TPMT: variants seen among roughly 807,000 people sequenced by gnomAD.
TPMT encodes the protein thiopurine S-methyltransferase.
TPMT carries 18 observed loss-of-function variants against 34.2 expected under a neutral mutation model. That is an observed-to-expected ratio of 0.53 (90% CI 0.36 to 0.78). TPMT has a LOEUF of 0.78. TPMT is among the 30% of genes least tolerant of loss of function. TPMT has a pLI of 0.00. For synonymous variants in TPMT, 69 were observed against 92.4 expected, an observed-to-expected ratio of 0.75 and a Z score of 1.45; for missense variants, 265 against 288.1, an observed-to-expected ratio of 0.92 and a Z score of 0.58.
Position 18,136,029 on chromosome 6 carries a change from TC to T in TPMT, c.495-2141del, listed in dbSNP as rs962649558. On this transcript the variant is annotated intron_variant, in intron 6 of 8. Coordinates refer to ENST00000309983, the MANE Select transcript of TPMT (RefSeq NM_000367.5). This position sits in a 1 kb window ranked among gnomAD's most constrained non-coding sequence, Gnocchi z 4.7. Reference sequence around the variant, plus strand: ...TCAGACACTGGGGAAATAACTGACCTCAGGTGATCTGCCCACCTCAGCCTCC... The same window carrying T: ...TCAGACACTGGGGAAATAACTGACCTAGGTGATCTGCCCACCTCAGCCTCC... Among the ~76,000 whole-genome samples, 3 of 152,080 alleles carry T rather than the reference TC, an allele frequency of 2.0e-5. No homozygotes were observed. The highest frequency in any genetic ancestry group is 4.4e-5 in the Non-Finnish European group (3 of 68,002).
In TPMT at chr6:18,139,672, G is replaced by A. The variant is rs372997906; in HGVS notation, c.412C>T (p.Leu138Phe). The change falls in exon 5 of 9, where the codon CTT (leucine) becomes TTT (phenylalanine). Residue 138 changes from leucine (L) to phenylalanine (F), a missense_variant. Leu to Phe is a conservative substitution (Grantham distance 22). Coordinates refer to ENST00000309983, the MANE Select transcript of TPMT (RefSeq NM_000367.5). This position sits in a 1 kb window ranked among gnomAD's most constrained non-coding sequence, Gnocchi z 4.2. ...ATGTAGTATTCAACCTACCTGGGAA[G>A]ATCAAAAATACTGCAACAGTACAAT... Reference protein sequence around the residue: ...ISLYCCSIFDLPRTNIGKFDM... With the variant: ...ISLYCCSIFDFPRTNIGKFDM... 198 of 1,613,054 alleles carry A rather than the reference G, an allele frequency of 1.2e-4. No individual in the cohort carries two copies. The highest frequency in any genetic ancestry group is 1.6e-4 in the Non-Finnish European group (192 of 1,179,546).
At chr6:18,152,207 G>C (rs544557741) in intron 1 of TPMT, among the ~76,000 whole-genome samples, 2 of 152,278 alleles carry the variant, frequency 1.3e-5, no homozygotes, top group Non-Finnish European at 2.9e-5. Flanking sequence ...AAACTGGGCT[G>C]CTCAATGGCT....
At chr6:18,133,944 G>T in intron 6 of TPMT, 55 bp from the exon 7 acceptor site, 1 of 1,475,590 alleles carries the variant, frequency 6.8e-7, no homozygotes, top group South Asian at 1.2e-5. Flanking sequence ...GCAAAGGCTG[G>T]AGGGACAAAA....
In TPMT at chr6:18,130,929, A is replaced by G. The variant is rs1361188143; in HGVS notation, c.626-149T>C. The G allele has an allele frequency of 1.1e-5, 7 of 620,504 alleles. No individual in the cohort carries two copies. Among genetic ancestry groups the G allele is most frequent in the Non-Finnish European group, 1.8e-5 (6 of 336,548 alleles). The allele number at this position is 620,504 out of a possible 1,614,324, so 38.4% of individuals were successfully genotyped here. A position where few individuals can be genotyped will look rare whatever the true frequency, so the allele number is the denominator to read the frequency against. On this transcript the variant is annotated intron_variant, in intron 8 of 8. Coordinates refer to ENST00000309983, the MANE Select transcript of TPMT (RefSeq NM_000367.5). This position sits in a 1 kb window ranked among gnomAD's most constrained non-coding sequence, Gnocchi z 4.2. ...CGAGGCAGGTGGATCACTTGAGGTC[A>G]GGAGTTCATGACCAGCCTGGCCAAG...
chr6:18,130,669 T>C lies in TPMT; in HGVS notation c.737A>G (p.Ter246=). Reference sequence around the variant, plus strand: ...GATTTTATTTTATCTATGTCTCATTTACTTTTCTGTAAGTAGATATAACTT... The same window carrying C: ...GATTTTATTTTATCTATGTCTCATTCACTTTTCTGTAAGTAGATATAACTT... ...FEKLYLLTEK[*] is the part of the protein sequence containing the mutation. Residue 246 remains the stop codon, a stop_retained_variant, in exon 9 of 9, where the codon TAA becomes TGA. Transcript: ENST00000309983. The surrounding 1 kb of genome is among the most constrained non-coding windows in gnomAD (Gnocchi z 4.2). The C allele has an allele frequency of 6.3e-7, 1 of 1,578,938 alleles. No individual in the cohort carries two copies. The highest frequency in any genetic ancestry group is 1.1e-5 in the South Asian group (1 of 90,262).
Position 18,143,807 on chromosome 6 carries a change from T to C in TPMT, c.234-79A>G. The C allele has an allele frequency of 6.5e-7, 1 of 1,540,120 alleles. No homozygotes were observed. Among genetic ancestry groups the C allele is most frequent in the Non-Finnish European group, 8.8e-7 (1 of 1,132,906 alleles). ...AGGGTTATATTAGAGTAAGCATATA[T>C]TTTCTTTAATTTAGAGGAATTTATA... is the stretch of plus-strand genomic sequence containing the variant. On this transcript the variant is annotated intron_variant, in intron 3 of 8. Coordinates refer to ENST00000309983, the MANE Select transcript of TPMT (RefSeq NM_000367.5). This position sits in a 1 kb window ranked among gnomAD's most constrained non-coding sequence, Gnocchi z 6.1.
At position 18,138,909 on chromosome 6, in the gene TPMT, G is replaced by A; in HGVS notation, c.494+54C>T. 6.9e-7 allele frequency: 1 copy of A among 1,439,934 alleles called. No individual in the cohort carries two copies. Among genetic ancestry groups the A allele is most frequent in the Non-Finnish European group, 9.7e-7 (1 of 1,026,268 alleles). The allele number at this position is 1,439,934 out of a possible 1,614,324, so 89.2% of individuals were successfully genotyped here. On this transcript the variant is annotated intron_variant, in intron 6 of 8. Transcript: ENST00000309983. This position sits in a 1 kb window ranked among gnomAD's most constrained non-coding sequence, Gnocchi z 4.1. Reference sequence around the variant, plus strand: ...GCTGATTTTCTAGAACCCAGAAAAAGTATAGTATACTAAAAAATTAAGACA... The same window carrying A: ...GCTGATTTTCTAGAACCCAGAAAAAATATAGTATACTAAAAAATTAAGACA...
rs1784032207 is a variant in TPMT at position 18,135,765 on chromosome 6, A to C, written c.495-1876T>G. On this transcript the variant is annotated intron_variant, in intron 6 of 8. Coordinates refer to ENST00000309983, the MANE Select transcript of TPMT (RefSeq NM_000367.5). This position sits in a 1 kb window ranked among gnomAD's most constrained non-coding sequence, Gnocchi z 5.0. The stretch of plus-strand genomic sequence containing the variant: ...GCTACTGTAATCCCAGCTACTCTGG[A>C]GGCTGAGGCAGGAGAATCACTTGAA... Among the ~76,000 whole-genome samples the C allele has an allele frequency of 6.6e-6, 1 of 152,006 alleles. No homozygotes were observed. The highest frequency in any genetic ancestry group is 6.6e-5 in the Admixed American group (1 of 15,250).
rs914883703 is a variant in TPMT, at chr6:18,154,535, G to T, written c.-45+498C>A. On this transcript the variant is annotated intron_variant, in intron 1 of 8. Transcript: ENST00000309983. This position sits in a 1 kb window ranked among gnomAD's most constrained non-coding sequence, Gnocchi z 4.2. ...CATCACCAGGGATCACTCACTATTT[G>T]GCAGTACTTATTTTTTCCCAAAAAT... Among the ~76,000 whole-genome samples, 1 of 151,936 alleles carries T rather than the reference G, an allele frequency of 6.6e-6. No individual in the cohort carries two copies. The highest frequency in any genetic ancestry group is 1.5e-5 in the Non-Finnish European group (1 of 68,006).
chr6:18,132,105 A>G lies in TPMT; in HGVS notation c.625+28T>C. The G allele has an allele frequency of 6.2e-7, 1 of 1,613,528 alleles. No homozygotes were observed. The highest frequency in any genetic ancestry group is 8.5e-7 in the Non-Finnish European group (1 of 1,179,522). On this transcript the variant is annotated intron_variant, in intron 8 of 8. Coordinates refer to ENST00000309983, the MANE Select transcript of TPMT (RefSeq NM_000367.5). The surrounding 1 kb of genome is among the most constrained non-coding windows in gnomAD (Gnocchi z 4.8). ...AAGAGTTAACTTGACTTTGTTTAAA[A>G]AGTTACAGCATAAGTCCACAAACTT... is the stretch of plus-strand genomic sequence containing the variant.
intron 4 of TPMT, among the ~76,000 whole-genome samples, chr6:18,142,282 G>A (rs938546406): frequency 6.6e-6 from 1 of 151,612 alleles, no homozygotes; most frequent in East Asian, 1.9e-4. Context: ...GGCACAAGAC[G>A]ACGAACCTGG....
At chr6:18,134,894 C>A (rs528666083) in intron 6 of TPMT, among the ~76,000 whole-genome samples, 5 of 152,156 alleles carry the variant, frequency 3.3e-5, no homozygotes, top group Non-Finnish European at 7.3e-5. Context: ...CAAAGATGGA[C>A]ACCCTTCCCC....
intron 6 of TPMT, among the ~76,000 whole-genome samples, chr6:18,137,570 T>G (rs1784065382): frequency 6.6e-6 from 1 of 152,240 alleles, no homozygotes; most frequent in South Asian, 2.1e-4. Context: ...TTACTCAGTA[T>G]GCTTCCTCAC....
chr6:18,149,858 T>C lies in TPMT; in HGVS notation c.-44-687A>G, dbSNP rs1365795981. ...CCTTAATACACATTACAAGAGATCA[T>C]TAAATAAACTGAATTCTATCTTAAT... On this transcript the variant is annotated intron_variant, in intron 1 of 8. Transcript: ENST00000309983. The surrounding 1 kb of genome is among the most constrained non-coding windows in gnomAD (Gnocchi z 5.0). 6.6e-6 allele frequency among the ~76,000 whole-genome samples: 1 copy of C among 152,180 alleles called. No homozygotes were observed. Among genetic ancestry groups the C allele is most frequent in the Non-Finnish European group, 1.5e-5 (1 of 68,044 alleles).
In TPMT at chr6:18,150,107, C is replaced by A. The variant is rs1390115676; in HGVS notation, c.-44-936G>T. Among the ~76,000 whole-genome samples the A allele has an allele frequency of 3.3e-5, 5 of 152,204 alleles. No homozygotes were observed. Among genetic ancestry groups the A allele is most frequent in the Non-Finnish European group, 5.9e-5 (4 of 68,048 alleles). On this transcript the variant is annotated intron_variant, in intron 1 of 8. Coordinates refer to ENST00000309983, the MANE Select transcript of TPMT (RefSeq NM_000367.5). The surrounding 1 kb of genome is among the most constrained non-coding windows in gnomAD (Gnocchi z 5.3). ...TTAGACACCAGTTGCAAGTCCAGGCCTCCACTGGCTTCAAGTTGGGGTTCC... is the reference window on the plus strand; with the variant it reads ...TTAGACACCAGTTGCAAGTCCAGGCATCCACTGGCTTCAAGTTGGGGTTCC...
rs1397979403 is a variant in TPMT at position 18,143,653 on chromosome 6, C to T, written c.309G>A (p.Gln103=). Residue 103 remains glutamine, a synonymous_variant, in exon 4 of 9, where the codon CAG becomes CAA. Transcript: ENST00000309983. This position sits in a 1 kb window ranked among gnomAD's most constrained non-coding sequence, Gnocchi z 6.1. The part of the protein sequence containing the change: ...ELGIQEFFTE[Q]NLSYSEEPIT... Reference sequence around the variant, plus strand: ...TTGGTTCTTCTGAGTAAGAAAGATTCTGCTCTGTAAAAAATTCTTGTATCC... The same window carrying T: ...TTGGTTCTTCTGAGTAAGAAAGATTTTGCTCTGTAAAAAATTCTTGTATCC... 6.2e-7 allele frequency: 1 copy of T among 1,613,780 alleles called. No homozygotes were observed. Among genetic ancestry groups the T allele is most frequent in the Non-Finnish European group, 8.5e-7 (1 of 1,179,996 alleles).
chr6:18,134,078 C>G (rs1783997248), intron 6 of TPMT, among the ~76,000 whole-genome samples, 189 bp from the exon 7 acceptor site: 1 of 152,226 alleles, frequency 6.6e-6, no homozygotes, highest in Admixed American at 6.5e-5. Flanking sequence ...ATGGCCCCTG[C>G]CTAAGCTGGG....
Position 18,146,865 on chromosome 6 carries a change from C to CA in TPMT, c.233+957dup, listed in dbSNP as rs1361318652. Among the ~76,000 whole-genome samples, 1 of 152,088 alleles carries CA rather than the reference C, an allele frequency of 6.6e-6. No homozygotes were observed. Among genetic ancestry groups the CA allele is most frequent in the African/African-American group, 2.4e-5 (1 of 41,422 alleles). ...TCATCTCTACTTGAAAATCAACTCC[C>CA]AAAAAATGCATGCATACTCTGCGTT... On this transcript the variant is annotated intron_variant, in intron 3 of 8. Coordinates refer to ENST00000309983, the MANE Select transcript of TPMT (RefSeq NM_000367.5). This position sits in a 1 kb window ranked among gnomAD's most constrained non-coding sequence, Gnocchi z 6.2.
intron 1 of TPMT, among the ~76,000 whole-genome samples, chr6:18,152,341 T>C (rs528182980): frequency 2.0e-5 from 3 of 152,178 alleles, no homozygotes; most frequent in Non-Finnish European, 2.9e-5. Flanking sequence ...TAGTACTTTA[T>C]GCCTTAAAAA....
Sources: allele counts gnomAD v4.1 joint callset (sites outside exome capture counted in the v4.1 genomes callset), GRCh38; gene constraint gnomAD v4.1.1; non-coding constraint Gnocchi (gnomAD v3.1); transcripts MANE v1.5; gene names NCBI Gene and HGNC (gene_info 2026-07-23, HGNC 2026-07-21).